USP12: variants seen among roughly 807,000 people sequenced by gnomAD.
USP12 encodes ubiquitin carboxyl-terminal hydrolase 12.
A neutral mutation model predicts 45.5 loss-of-function variants in USP12; 19 were observed. The ratio of observed to expected loss-of-function variants is 0.42; its 90% CI spans 0.29 to 0.61. The LOEUF (loss-of-function observed/expected upper bound fraction) is 0.61, where lower values mean the gene tolerates loss of function less well. USP12 is among the 20% of genes least tolerant of loss of function. The pLI is 0.22. For missense variants in USP12, 242 were observed against 447.7 expected (o/e 0.54, Z 4.15); for synonymous variants, 149 against 148.8 (o/e 1.00, Z -0.01).
At chr13:27,075,128 T>C (rs893544097) in intron 7 of USP12, 63 bp downstream of exon 7, 4 of 1,505,490 alleles carry the variant, frequency 2.7e-6, no homozygotes, top group African/African-American at 2.8e-5. Flanking sequence ...CATGAACATC[T>C]TGAATGTACC....
intron 1 of USP12, among the ~76,000 whole-genome samples, chr13:27,128,393 A>T (rs1876340909): frequency 6.6e-6 from 1 of 152,232 alleles, no homozygotes; most frequent in South Asian, 2.1e-4. Context: ...AACATACTTG[A>T]GTGCACGATG....
At chr13:27,166,207 A>G (rs1878338510) in intron 1 of USP12, among the ~76,000 whole-genome samples, 1 of 152,040 alleles carries the variant, frequency 6.6e-6, no homozygotes, top group Admixed American at 6.5e-5. Context: ...CATGCTGTCA[A>G]ATACATAACA....
intron 3 of USP12, among the ~76,000 whole-genome samples, chr13:27,100,564 C>A (rs1332139049): frequency 6.6e-6 from 1 of 152,190 alleles, no homozygotes; most frequent in African/African-American, 2.4e-5. Flanking sequence ...TTGCCTCCTG[C>A]ACCAACCTTG....
chr13:27,109,691 G>A (rs930282573), intron 2 of USP12, among the ~76,000 whole-genome samples: 9 of 152,010 alleles, frequency 5.9e-5, no homozygotes, highest in Admixed American at 3.9e-4. Flanking sequence ...GCCGAGGTGG[G>A]TGGATTAAGG....
At chr13:27,130,511 T>C (rs1261580408) in intron 1 of USP12, among the ~76,000 whole-genome samples, 3 of 148,160 alleles carry the variant, frequency 2.0e-5, no homozygotes, top group South Asian at 2.1e-4. Flanking sequence ...CATTACAACA[T>C]TCAAACTGTT....
intron 7 of USP12, among the ~76,000 whole-genome samples, chr13:27,074,196 T>C (rs1004649805): frequency 8.6e-5 from 13 of 151,954 alleles, no homozygotes; most frequent in Non-Finnish European, 1.5e-4. Flanking sequence ...GTCAGGAGAT[T>C]AAGACCATCC....
chr13:27,111,954 T>A (rs537539947), intron 2 of USP12, among the ~76,000 whole-genome samples: 1 of 152,332 alleles, frequency 6.6e-6, no homozygotes, highest in Non-Finnish European at 1.5e-5. Flanking sequence ...TGCAAGGGAA[T>A]GAGAGTCTCA....
intron 1 of USP12, chr13:27,117,674 C>T (rs974639319): frequency 3.9e-6 from 2 of 509,250 alleles, no homozygotes; most frequent in Admixed American, 3.9e-5. Flanking sequence ...ATTAAATATA[C>T]TATATACCTG....
intron 4 of USP12, among the ~76,000 whole-genome samples, chr13:27,092,557 A>G (rs2137773094): frequency 6.6e-6 from 1 of 152,316 alleles, no homozygotes; most frequent in South Asian, 2.1e-4. Context: ...CCAGAAATAC[A>G]CTCACACAAA....
At chr13:27,127,320 A>C (rs1876288369) in intron 1 of USP12, among the ~76,000 whole-genome samples, 1 of 152,230 alleles carries the variant, frequency 6.6e-6, no homozygotes, top group African/African-American at 2.4e-5. Flanking sequence ...GGCACAAAGC[A>C]AAGTGACCCT....
At chr13:27,105,548 A>C (rs907638338) in intron 3 of USP12, among the ~76,000 whole-genome samples, 183 bp downstream of exon 3, 1 of 152,230 alleles carries the variant, frequency 6.6e-6, no homozygotes, top group Non-Finnish European at 1.5e-5. Context: ...TCTTGTATTA[A>C]TTACTGTAAG....
At chr13:27,118,343 T>C (rs1875838838) in intron 1 of USP12, among the ~76,000 whole-genome samples, 1 of 152,194 alleles carries the variant, frequency 6.6e-6, no homozygotes, top group African/African-American at 2.4e-5. Context: ...ATATACATGA[T>C]ACTGTCTTTA....
At chr13:27,071,933 C>T (rs1021508253) in intron 7 of USP12, among the ~76,000 whole-genome samples, 1 of 151,968 alleles carries the variant, frequency 6.6e-6, no homozygotes, top group African/African-American at 2.4e-5. Flanking sequence ...ATAATTAATA[C>T]AGAAGTTAAA....
At chr13:27,090,800 C>A (rs559868561) in intron 4 of USP12, among the ~76,000 whole-genome samples, 1 of 152,260 alleles carries the variant, frequency 6.6e-6, no homozygotes, top group East Asian at 1.9e-4. Context: ...CTGTGCCTCT[C>A]CACTCAGTTA....
At chr13:27,125,987 C>G (rs568513081) in intron 1 of USP12, among the ~76,000 whole-genome samples, 1 of 152,374 alleles carries the variant, frequency 6.6e-6, no homozygotes, top group East Asian at 1.9e-4. Context: ...CTGGGCGGAG[C>G]CCACCACAGC....
intron 2 of USP12, among the ~76,000 whole-genome samples, chr13:27,114,089 C>A (rs1046316331): frequency 6.6e-6 from 1 of 151,974 alleles, no homozygotes; most frequent in African/African-American, 2.4e-5. Flanking sequence ...CAACCTAAAA[C>A]CTTAGAAGAC....
intron 2 of USP12, among the ~76,000 whole-genome samples, chr13:27,112,696 G>C (rs1478481818): frequency 2.0e-5 from 3 of 152,104 alleles, no homozygotes; most frequent in Non-Finnish European, 2.9e-5. Flanking sequence ...ACAAATGAGA[G>C]AGATGATGCC....
chr13:27,148,152 A>G (rs1877395653), intron 1 of USP12, among the ~76,000 whole-genome samples: 1 of 152,006 alleles, frequency 6.6e-6, no homozygotes, highest in African/African-American at 2.4e-5. Context: ...CTTTTCTAAA[A>G]CGAAAACCTA....
intron 1 of USP12, among the ~76,000 whole-genome samples, chr13:27,156,093 G>GT (rs1293486443): frequency 1.3e-5 from 2 of 152,014 alleles, no homozygotes; most frequent in South Asian, 2.1e-4. Context: ...CAGCAGCTCC[G>GT]TAACAGAAGA....
Sources: gnomAD v4.1 joint callset for allele counts (sites outside exome capture counted in the v4.1 genomes callset) on GRCh38, gnomAD v4.1.1 for gene constraint, MANE v1.5 for transcripts, NCBI Gene and HGNC (gene_info 2026-07-23, HGNC 2026-07-21) for gene names.